SDK1: variants seen among roughly 807,000 people sequenced by gnomAD.
SDK1 encodes the protein sidekick cell adhesion molecule 1.
In SDK1, 157 loss-of-function variants were observed where a neutral mutation model predicts 245.5. That is an observed-to-expected ratio of 0.64 (90% CI 0.56 to 0.73). The LOEUF is 0.73. Among genes scored for constraint, SDK1 ranks in the 30% least tolerant of loss-of-function variants. The pLI is 0.00. For missense variants in SDK1, 3,583 were observed against 3,002.3 expected (o/e 1.19, Z -4.52); for synonymous variants, 1,647 against 1,278.5 (o/e 1.29, Z -6.15).
At chr7:3,392,400 A>T (rs183661476) in intron 1 of SDK1, among the ~76,000 whole-genome samples, 1 of 152,244 alleles carries the variant, frequency 6.6e-6, no homozygotes, top group East Asian at 1.9e-4. Context: ...TGACCTTTTG[A>T]CATGACTCCA....
At chr7:4,090,160 G>C (rs1020586544) in intron 22 of SDK1, among the ~76,000 whole-genome samples, 9 of 152,158 alleles carry the variant, frequency 5.9e-5, no homozygotes, top group African/African-American at 2.2e-4. Context: ...TAACTTGACT[G>C]AGATTTCTCC....
chr7:4,158,458 T>C lies in SDK1; in HGVS notation c.4636T>C (p.Phe1546Leu), dbSNP rs776481049. The change falls in exon 31 of 45, where the codon TTC becomes CTC. Residue 1546 changes from phenylalanine (F) to leucine (L), a missense_variant. Physicochemically the swap from Phe to Leu is conservative, Grantham distance 22. Transcript: ENST00000404826. ...TACVVDRLRP[F>L]TSYKLRLKAT... ...TCTTCCACATTGCAGACTGAGGCCC[T>C]TCACCTCCTACAAGCTGCGCCTGAA... 3 of 1,613,180 alleles carry C rather than the reference T, an allele frequency of 1.9e-6. No individual in the cohort carries two copies. The highest frequency in any genetic ancestry group is 2.2e-5 in the South Asian group (2 of 91,078).
chr7:4,249,957 C>T (rs185379008), intron 44 of SDK1, among the ~76,000 whole-genome samples: 1 of 152,174 alleles, frequency 6.6e-6, no homozygotes, highest in African/African-American at 2.4e-5. Context: ...GTGCAGCCAT[C>T]ACCACAGTCA....
chr7:3,660,943 C>A (rs1228504068), intron 4 of SDK1, among the ~76,000 whole-genome samples: 1 of 152,162 alleles, frequency 6.6e-6, no homozygotes, highest in African/African-American at 2.4e-5. Context: ...CTTTAATAGT[C>A]AGGGTCTGTA....
Position 3,829,637 on chromosome 7 carries a change from G to A in SDK1, c.847+8054G>A, listed in dbSNP as rs139846871. Among the ~76,000 whole-genome samples, 415 of 152,280 alleles carry A rather than the reference G, an allele frequency of 2.7e-3. 2 individuals are homozygous for A. Among genetic ancestry groups the A allele is most frequent in the Non-Finnish European group, 4.6e-3 (312 of 68,014 alleles). On this transcript the variant is annotated intron_variant, in intron 5 of 44. Coordinates refer to ENST00000404826, the MANE Select transcript of SDK1 (RefSeq NM_152744.4). ...CATGGAGGCTGGGTGTGCTCTTGAG[G>A]TCAAAACGTGTCCAAGAGAGAAGCC...
chr7:3,301,861 A>G lies in SDK1; in HGVS notation c.275A>G (p.His92Arg). The stretch of plus-strand genomic sequence containing the variant: ...TGGGCGCTGCTGGCGCTGCAGCTGC[A>G]CTTGCTCCGGGCGCTGGCGCAAGGT... ...GWWALLALQL[H>R]LLRALAQDDV... Residue 92 changes from histidine (H) to arginine (R), a missense_variant, in exon 1 of 45, where the codon CAC (histidine) becomes CGC (arginine). Transcript: ENST00000404826. The G allele has an allele frequency of 2.6e-6, 3 of 1,134,506 alleles. No homozygotes were observed. Among genetic ancestry groups the G allele is most frequent in the Non-Finnish European group, 3.2e-6 (3 of 926,502 alleles). The allele number at this position is 1,134,506 out of a possible 1,614,324, so 70.3% of individuals were successfully genotyped here.
intron 1 of SDK1, among the ~76,000 whole-genome samples, chr7:3,541,351 T>C (rs908520149): frequency 2.0e-5 from 3 of 152,224 alleles, no homozygotes; most frequent in African/African-American, 4.8e-5. Flanking sequence ...AGGCAACTTC[T>C]TACATGCAGA....
At chr7:4,222,408 C>A (rs963743636) in intron 40 of SDK1, among the ~76,000 whole-genome samples, 5 of 152,190 alleles carry the variant, frequency 3.3e-5, no homozygotes, top group Non-Finnish European at 7.3e-5. Context: ...AATTCTCCTG[C>A]CTCAGCCTCC....
intron 1 of SDK1, among the ~76,000 whole-genome samples, chr7:3,324,800 A>G (rs374305732): frequency 3.9e-5 from 6 of 152,224 alleles, no homozygotes; most frequent in African/African-American, 1.4e-4. Context: ...TTTCTCCTGT[A>G]ATTTTATTAA....
chr7:4,151,653 T>C (rs533890978), intron 30 of SDK1, among the ~76,000 whole-genome samples: 44 of 152,192 alleles, frequency 2.9e-4, no homozygotes, highest in Non-Finnish European at 5.0e-4. Context: ...GCCATCATTA[T>C]TTCCGGAATC....
At position 3,967,748 on chromosome 7, in the gene SDK1, C is replaced by A. The variant is rs1032189160; in HGVS notation, c.1546+314C>A. On this transcript the variant is annotated intron_variant, in intron 10 of 44. Coordinates refer to ENST00000404826, the MANE Select transcript of SDK1 (RefSeq NM_152744.4). ...CATAGTTCACTGGAGGGTGTGCGTT[C>A]CTATGAGAATCTAATGCTGCTGCCG... 2.0e-5 allele frequency among the ~76,000 whole-genome samples: 3 copies of A among 152,158 alleles called. No homozygotes were observed. In the East Asian group the frequency reaches 5.8e-4, roughly 29 times the overall value.
At chr7:3,594,772 T>A (rs139367291) in intron 1 of SDK1, among the ~76,000 whole-genome samples, 1 of 152,208 alleles carries the variant, frequency 6.6e-6, no homozygotes, top group Admixed American at 6.5e-5. Flanking sequence ...CTTACTGTTT[T>A]AGAGATAATA....
rs34610558 is a variant in SDK1 at position 4,262,018 on chromosome 7, C to CTTTTTTTT, written c.6382-3084_6382-3077dup. On this transcript the variant is annotated intron_variant, in intron 44 of 44. Coordinates refer to ENST00000404826, the MANE Select transcript of SDK1 (RefSeq NM_152744.4). Reference sequence around the variant, plus strand: ...AATCAATTTCACCCTCTGCTTTCTCCTTTTTTTTTTTTTTTTTTTTTTTTT... The same window carrying CTTTTTTTT: ...AATCAATTTCACCCTCTGCTTTCTCCTTTTTTTTTTTTTTTTTTTTTTTTTTTTTTTTT... 3.2e-4 allele frequency among the ~76,000 whole-genome samples: 19 copies of CTTTTTTTT among 59,252 alleles called. 2 individuals carry two copies. The highest frequency in any genetic ancestry group is 7.6e-4 in the African/African-American group (8 of 10,538). The allele number at this position is 59,252 out of a possible 152,430, so 38.9% of individuals were successfully genotyped here. A position where few individuals can be genotyped will look rare whatever the true frequency, so the allele number is the denominator to read the frequency against.
chr7:3,504,360 G>C (rs544724634), intron 1 of SDK1, among the ~76,000 whole-genome samples: 2 of 151,922 alleles, frequency 1.3e-5, no homozygotes, highest in South Asian at 4.2e-4. Context: ...TGGCCAAACA[G>C]TATTGAAAAA....
chr7:3,689,786 A>G lies in SDK1; in HGVS notation c.713+47681A>G, dbSNP rs541287612. On this transcript the variant is annotated intron_variant, in intron 4 of 44. Coordinates refer to ENST00000404826, the MANE Select transcript of SDK1 (RefSeq NM_152744.4). ...TTGGAAGTTATTATTTTTATTTCCC[A>G]ATGAATCCATTCATAATTCTAAATT... Among the ~76,000 whole-genome samples the G allele has an allele frequency of 2.0e-3, 303 of 152,332 alleles. 1 individual carries two copies. Among genetic ancestry groups the G allele is most frequent in the African/African-American group, 6.9e-3 (286 of 41,564 alleles).
chr7:3,339,664 CAAAG>C (rs889979779), intron 1 of SDK1, among the ~76,000 whole-genome samples: 3 of 151,936 alleles, frequency 2.0e-5, no homozygotes, highest in African/African-American at 7.3e-5. Flanking sequence ...ACGTCAGTCT[CAAAG>C]GAAAATATTA....
chr7:3,323,370 A>G (rs1004132810), intron 1 of SDK1, among the ~76,000 whole-genome samples: 4 of 152,192 alleles, frequency 2.6e-5, no homozygotes, highest in African/African-American at 9.7e-5. Context: ...GCTGGTGCCG[A>G]TTGAATTTCC....
intron 1 of SDK1, among the ~76,000 whole-genome samples, chr7:3,479,576 C>T (rs1403780650): frequency 1.3e-5 from 2 of 151,662 alleles, no homozygotes; most frequent in African/African-American, 2.4e-5. Flanking sequence ...AAAATTACTT[C>T]ACTAAGGCCA....
intron 28 of SDK1, among the ~76,000 whole-genome samples, chr7:4,134,204 C>A (rs1778891547): frequency 6.6e-6 from 1 of 152,162 alleles, no homozygotes; most frequent in Non-Finnish European, 1.5e-5. Flanking sequence ...TTGCCTCTTT[C>A]TTTATGTGAT....
Sources: gnomAD v4.1 joint callset for allele counts (sites outside exome capture counted in the v4.1 genomes callset) on GRCh38, gnomAD v4.1.1 for gene constraint, MANE v1.5 for transcripts, NCBI Gene and HGNC (gene_info 2026-07-23, HGNC 2026-07-21) for gene names.